The following GAREM1 variants were observed in gnomAD, a reference collection of about 807,000 sequenced individuals.
GAREM1 encodes the protein GRB2-associated and regulator of MAPK protein 1.
In GAREM1, 26 loss-of-function variants were observed where a neutral mutation model predicts 71.3. The observed-to-expected ratio is 0.36, with a 90% CI of 0.27 to 0.51. The LOEUF is 0.51. GAREM1 is among the 20% of genes least tolerant of loss of function. GAREM1 has a pLI of 0.95. For synonymous variants in GAREM1, 440 were observed against 433.2 expected, an observed-to-expected ratio of 1.02 and a Z score of -0.20; for missense variants, 1,026 against 1,103.1, an observed-to-expected ratio of 0.93 and a Z score of 0.99.
intron 2 of GAREM1, among the ~76,000 whole-genome samples, chr18:32,369,716 A>G (rs2047958642): frequency 6.6e-6 from 1 of 152,252 alleles, no homozygotes; most frequent in East Asian, 1.9e-4. Flanking sequence ...TCCCTAAACC[A>G]CATCACAGGG....
chr18:32,268,835 T>C, intron 5 of GAREM1, 67 bp from the exon 6 acceptor site: 1 of 1,348,130 alleles, frequency 7.4e-7, no homozygotes, highest in Non-Finnish European at 1.0e-6. Flanking sequence ...GCTTTTGTTA[T>C]TTATAGACGT....
At chr18:32,408,562 T>C (rs940219456) in intron 1 of GAREM1, among the ~76,000 whole-genome samples, 2 of 152,146 alleles carry the variant, frequency 1.3e-5, no homozygotes, top group East Asian at 1.9e-4. Context: ...CTGACTGATA[T>C]CAAATAGTGA....
chr18:32,459,436 G>A (rs991607319), intron 1 of GAREM1, among the ~76,000 whole-genome samples: 4 of 151,676 alleles, frequency 2.6e-5, no homozygotes, highest in African/African-American at 9.7e-5. Context: ...CTTAGTGGCT[G>A]ACTTCCTCTT....
At chr18:32,410,297 T>C (rs2048403947) in intron 1 of GAREM1, among the ~76,000 whole-genome samples, 1 of 152,186 alleles carries the variant, frequency 6.6e-6, no homozygotes. Flanking sequence ...CTCTCAGAAA[T>C]AGCCTGGGAT....
intron 2 of GAREM1, among the ~76,000 whole-genome samples, chr18:32,353,253 T>G (rs2047770338): frequency 1.3e-5 from 2 of 152,206 alleles, no homozygotes; most frequent in African/African-American, 4.8e-5. Flanking sequence ...AAATATCTTT[T>G]GAGGGCATAT....
chr18:32,455,717 G>A (rs2048880847), intron 1 of GAREM1, among the ~76,000 whole-genome samples: 1 of 152,106 alleles, frequency 6.6e-6, no homozygotes, highest in Non-Finnish European at 1.5e-5. Flanking sequence ...ACCTCTCACA[G>A]CCATTGGAGA....
At chr18:32,269,665 GT>G (rs917991249) in intron 5 of GAREM1, among the ~76,000 whole-genome samples, 3 of 151,492 alleles carry the variant, frequency 2.0e-5, no homozygotes, top group East Asian at 3.9e-4. Context: ...AATAAAGGGT[GT>G]TTTTTTTTAA....
intron 2 of GAREM1, among the ~76,000 whole-genome samples, chr18:32,348,228 A>T (rs1050163720): frequency 1.2e-4 from 18 of 152,246 alleles, no homozygotes; most frequent in African/African-American, 4.3e-4. Context: ...ACTCAATGAG[A>T]ACAAAGGACA....
At chr18:32,464,993 T>A (rs960009718) in intron 1 of GAREM1, among the ~76,000 whole-genome samples, 1 of 152,152 alleles carries the variant, frequency 6.6e-6, no homozygotes, top group African/African-American at 2.4e-5. Context: ...AAGTATAACG[T>A]CTAGTTTTCC....
chr18:32,282,277 T>G (rs2046961992), intron 4 of GAREM1, among the ~76,000 whole-genome samples: 1 of 152,030 alleles, frequency 6.6e-6, no homozygotes, highest in African/African-American at 2.4e-5. Flanking sequence ...TTAAAAAAAC[T>G]TAGCCAGGCG....
At chr18:32,409,668 T>C (rs2048399085) in intron 1 of GAREM1, among the ~76,000 whole-genome samples, 2 of 152,212 alleles carry the variant, frequency 1.3e-5, no homozygotes, top group Admixed American at 1.3e-4. Context: ...GAATTACATA[T>C]AATAGACTCC....
At chr18:32,292,536 T>C (rs2047097628) in intron 3 of GAREM1, among the ~76,000 whole-genome samples, 1 of 152,184 alleles carries the variant, frequency 6.6e-6, no homozygotes, top group Admixed American at 6.5e-5. Flanking sequence ...TCCCCACTTG[T>C]CAAGGACGGG....
intron 1 of GAREM1, among the ~76,000 whole-genome samples, chr18:32,457,782 A>G (rs2048911418): frequency 6.6e-6 from 1 of 152,078 alleles, no homozygotes; most frequent in Non-Finnish European, 1.5e-5. Flanking sequence ...TATACTTTTA[A>G]GTTCTAGGGT....
intron 3 of GAREM1, among the ~76,000 whole-genome samples, chr18:32,303,879 C>T (rs938847978): frequency 6.6e-6 from 1 of 151,450 alleles, no homozygotes; most frequent in East Asian, 1.9e-4. Flanking sequence ...TATGATAGTG[C>T]CACTGCACTC....
chr18:32,435,910 C>A (rs1015920247), intron 1 of GAREM1, among the ~76,000 whole-genome samples: 2 of 152,112 alleles, frequency 1.3e-5, no homozygotes, highest in African/African-American at 2.4e-5. Context: ...ACTAGCCCTG[C>A]TTTACAAGTA....
intron 1 of GAREM1, among the ~76,000 whole-genome samples, chr18:32,441,583 C>T (rs892161499): frequency 1.1e-4 from 17 of 152,136 alleles, no homozygotes; most frequent in Non-Finnish European, 1.8e-4. Context: ...TTAATGACTG[C>T]GCACCCAGAC....
At position 32,335,034 on chromosome 18, in the gene GAREM1, C is replaced by G. The variant is rs1404614537; in HGVS notation, c.263-24711G>C. On this transcript the variant is annotated intron_variant, in intron 2 of 5. Transcript: ENST00000269209. Reference sequence around the variant, plus strand: ...CCTCAAATATAGCCACCTTCCCCCACTGCCAATTTTCAAATCGGCACAATG... The same window carrying G: ...CCTCAAATATAGCCACCTTCCCCCAGTGCCAATTTTCAAATCGGCACAATG... Among the ~76,000 whole-genome samples the G allele has an allele frequency of 1.3e-5, 2 of 152,224 alleles. 1 individual carries two copies. The highest frequency in any genetic ancestry group is 4.8e-5 in the African/African-American group (2 of 41,466).
intron 2 of GAREM1, among the ~76,000 whole-genome samples, chr18:32,327,343 C>T (rs1237852547): frequency 1.3e-5 from 2 of 152,102 alleles, no homozygotes; most frequent in Non-Finnish European, 2.9e-5. Flanking sequence ...TAGATGGATT[C>T]ACTAATGTAC....
chr18:32,413,449 A>G (rs893493934), intron 1 of GAREM1, among the ~76,000 whole-genome samples: 1 of 152,222 alleles, frequency 6.6e-6, no homozygotes, highest in African/African-American at 2.4e-5. Flanking sequence ...TACACATAAC[A>G]GAGGGTTAAT....
Sources: gnomAD v4.1 joint callset for allele counts (sites outside exome capture counted in the v4.1 genomes callset) on GRCh38, gnomAD v4.1.1 for gene constraint, MANE v1.5 for transcripts, NCBI Gene and HGNC (gene_info 2026-07-23, HGNC 2026-07-21) for gene names.